Variants in DNAH14 observed in about 807,000 individuals in gnomAD.
DNAH14 encodes dynein axonemal heavy chain 14.
In DNAH14, 478 loss-of-function variants were observed where a neutral mutation model predicts 520.9. The ratio of observed to expected loss-of-function variants is 0.92; its 90% confidence interval spans 0.85 to 0.99. DNAH14 has a LOEUF of 0.99. Ranked by LOEUF, DNAH14 falls within the 50% of genes least tolerant of loss-of-function variation. The pLI is 0.00. For missense variants in DNAH14, 4,831 were observed against 5,234.5 expected (o/e 0.92, Z 2.38); for synonymous variants, 1,581 against 1,757.2 (o/e 0.90, Z 2.51).
At chr1:225,118,031 T>C (rs1451065063) in intron 25 of DNAH14, 32 bp downstream of exon 25, 2 of 1,423,632 alleles carry the variant, frequency 1.4e-6, no homozygotes, top group Non-Finnish European at 1.9e-6. Context: ...GTTTAGATTC[T>C]GTACAACGTC....
In DNAH14 at chr1:225,346,522, A is replaced by G; in HGVS notation, c.11164A>G (p.Met3722Val). 6.4e-7 allele frequency: 1 copy of G among 1,551,308 alleles called. No homozygotes were observed. Among genetic ancestry groups the G allele is most frequent in the Non-Finnish European group, 8.7e-7 (1 of 1,146,758 alleles). The change falls in exon 71 of 86, where the codon ATG becomes GTG. Residue 3722 changes from methionine to valine, a missense_variant. Coordinates refer to ENST00000682510, the MANE Select transcript of DNAH14 (RefSeq NM_001367479.1). ...CFSFRLCTVI[M>V]QNNANGNLIQ... is the part of the protein sequence containing the mutation. ...CTCTTTTCGGCTTTGCACTGTAATC[A>G]TGCAAAACAATGCTAATGGAAATCT... is the stretch of plus-strand genomic sequence containing the variant.
chr1:225,040,006 C>T (rs1365974871), intron 12 of DNAH14, among the ~76,000 whole-genome samples: 1 of 136,864 alleles, frequency 7.3e-6, no homozygotes, highest in African/African-American at 2.7e-5. Context: ...GGTGTGATCT[C>T]GACTCACTGC....
At chr1:225,159,521 G>C in intron 35 of DNAH14, 36 bp downstream of exon 35, 1 of 1,459,448 alleles carries the variant, frequency 6.9e-7, no homozygotes, top group African/African-American at 1.5e-5. Context: ...CCAATTATTT[G>C]GATGTGGAAT....
intron 23 of DNAH14, among the ~76,000 whole-genome samples, chr1:225,101,560 T>C (rs1454359201): frequency 6.6e-6 from 1 of 152,156 alleles, no homozygotes; most frequent in Non-Finnish European, 1.5e-5. Context: ...ATCTCCATGA[T>C]TTCACTTGCT....
intron 81 of DNAH14, among the ~76,000 whole-genome samples, chr1:225,386,823 G>A (rs2150798776): frequency 6.6e-6 from 1 of 152,358 alleles, no homozygotes; most frequent in African/African-American, 2.4e-5. Context: ...AGACAGTGTG[G>A]CAATTCCTCA....
At chr1:225,109,765 G>A (rs1008708698) in intron 23 of DNAH14, among the ~76,000 whole-genome samples, 1 of 152,028 alleles carries the variant, frequency 6.6e-6, no homozygotes, top group Non-Finnish European at 1.5e-5. Flanking sequence ...GGGAAACTGG[G>A]CACCCTTGGC....
chr1:225,283,909 C>T (rs2093681400), intron 54 of DNAH14, among the ~76,000 whole-genome samples: 1 of 152,022 alleles, frequency 6.6e-6, no homozygotes, highest in African/African-American at 2.4e-5. Context: ...CTATGTGGAA[C>T]TTTTACAACG....
intron 60 of DNAH14, among the ~76,000 whole-genome samples, chr1:225,311,400 G>T (rs935238428): frequency 6.6e-6 from 1 of 152,114 alleles, no homozygotes; most frequent in Non-Finnish European, 1.5e-5. Flanking sequence ...TCTGTAGGCT[G>T]CCTGTTCACT....
At chr1:225,157,812 C>G (rs2081185354) in intron 34 of DNAH14, among the ~76,000 whole-genome samples, 1 of 152,124 alleles carries the variant, frequency 6.6e-6, no homozygotes, top group South Asian at 2.1e-4. Flanking sequence ...CCTCTCTTTG[C>G]CAAAATACAT....
intron 17 of DNAH14, among the ~76,000 whole-genome samples, chr1:225,072,798 C>T (rs2148501939): frequency 6.6e-6 from 1 of 152,204 alleles, no homozygotes; most frequent in South Asian, 2.1e-4. Flanking sequence ...TTTCTAGTTG[C>T]CTTGGATTTT....
At chr1:225,140,155 C>T (rs2079306879) in intron 27 of DNAH14, among the ~76,000 whole-genome samples, 3 of 152,148 alleles carry the variant, frequency 2.0e-5, no homozygotes, top group Admixed American at 6.5e-5. Context: ...TGCCCCCTTG[C>T]CCACGGCATG....
At chr1:224,970,766 A>G (rs1449175381) in intron 7 of DNAH14, among the ~76,000 whole-genome samples, 1 of 152,190 alleles carries the variant, frequency 6.6e-6, no homozygotes, top group African/African-American at 2.4e-5. Flanking sequence ...GAAAATGTAC[A>G]TATAAATGGA....
chr1:225,246,539 A>G (rs1268968396), intron 43 of DNAH14, among the ~76,000 whole-genome samples: 1 of 152,204 alleles, frequency 6.6e-6, no homozygotes, highest in Non-Finnish European at 1.5e-5. Context: ...CCAGAAAAAA[A>G]CAAACAACCC....
rs71170080 is a variant in DNAH14 at position 225,374,145 on chromosome 1, CTATATATATATATATATATATATATA to C, written c.12319-530_12319-505del. ...TGTATGTCCCAATATTTGTGTCTTACTATATATATATATATATATATATATATATATATATATACTATTCTAGTAAA... is the reference window on the plus strand; with the variant it reads ...TGTATGTCCCAATATTTGTGTCTTACTATATATATATACTATTCTAGTAAA... On this transcript the variant is annotated intron_variant, in intron 77 of 85. Transcript: ENST00000682510. Among the ~76,000 whole-genome samples, 8 of 33,056 alleles carry C rather than the reference CTATATATATATATATATATATATATA, an allele frequency of 2.4e-4. 1 individual carries two copies. Among genetic ancestry groups the C allele is most frequent in the East Asian group, 4.9e-3 (1 of 206 alleles). The allele number at this position is 33,056 out of a possible 152,430, so 21.7% of individuals were successfully genotyped here.
chr1:225,309,839 G>A (rs1306175151), intron 60 of DNAH14, among the ~76,000 whole-genome samples: 1 of 152,112 alleles, frequency 6.6e-6, no homozygotes, highest in Non-Finnish European at 1.5e-5. Flanking sequence ...ATTGCAGTGA[G>A]CCAAGATGGC....
At chr1:225,010,511 G>A (rs1292467775) in intron 10 of DNAH14, among the ~76,000 whole-genome samples, 1 of 152,006 alleles carries the variant, frequency 6.6e-6, no homozygotes, top group Non-Finnish European at 1.5e-5. Context: ...ATTTTATTGA[G>A]GATTTTTGCA....
intron 59 of DNAH14, 79 bp from the exon 60 acceptor site, chr1:225,308,206 G>A: frequency 1.4e-6 from 2 of 1,383,600 alleles, no homozygotes; most frequent in Non-Finnish European, 9.7e-7. Context: ...ATAGTGAAAT[G>A]AGATATTTGA....
intron 7 of DNAH14, among the ~76,000 whole-genome samples, chr1:224,970,521 T>G (rs1040187803): frequency 3.3e-5 from 5 of 152,144 alleles, no homozygotes; most frequent in South Asian, 2.1e-4. Flanking sequence ...TAATAAAAAC[T>G]TGCTGGTTTT....
intron 41 of DNAH14, among the ~76,000 whole-genome samples, chr1:225,230,022 G>T (rs1370140179): frequency 3.3e-5 from 5 of 152,062 alleles, no homozygotes; most frequent in Non-Finnish European, 4.4e-5. Flanking sequence ...ATAAAAAATT[G>T]ATTGAACTTA....
Sources: gnomAD v4.1 joint callset for allele counts (sites outside exome capture counted in the v4.1 genomes callset) on GRCh38, gnomAD v4.1.1 for gene constraint, MANE v1.5 for transcripts, NCBI Gene and HGNC (gene_info 2026-07-23, HGNC 2026-07-21) for gene names.